CACNA1D: variants seen among roughly 807,000 people sequenced by gnomAD.
The protein encoded by CACNA1D is voltage-dependent L-type calcium channel subunit alpha-1D.
Under a neutral mutation model 257.1 loss-of-function variants are expected in CACNA1D, and 55 were observed. The observed-to-expected ratio is 0.21, with a 90% CI of 0.17 to 0.27. The LOEUF (loss-of-function observed/expected upper bound fraction) is 0.27, where lower values mean the gene tolerates loss of function less well. Among genes scored for constraint, CACNA1D ranks in the 10% least tolerant of loss-of-function variants. CACNA1D has a pLI of 1.00. For synonymous variants in CACNA1D, 980 were observed against 1,014.9 expected, an observed-to-expected ratio of 0.97 and a Z score of 0.65; for missense variants, 1,876 against 2,784.0, an observed-to-expected ratio of 0.67 and a Z score of 7.34.
intron 3 of CACNA1D, among the ~76,000 whole-genome samples, chr3:53,504,977 A>G (rs1273194425): frequency 6.6e-6 from 1 of 152,084 alleles, no homozygotes; most frequent in East Asian, 1.9e-4. Context: ...TTTGATCCCT[A>G]CTGATGGCTG....
At chr3:53,553,680 C>A (rs2092580882) in intron 3 of CACNA1D, among the ~76,000 whole-genome samples, 1 of 151,872 alleles carries the variant, frequency 6.6e-6, no homozygotes, top group African/African-American at 2.4e-5. Context: ...GGTCTTTATC[C>A]AACCCTATGA....
At chr3:53,531,312 G>A (rs890085576) in intron 3 of CACNA1D, among the ~76,000 whole-genome samples, 7 of 152,098 alleles carry the variant, frequency 4.6e-5, no homozygotes, top group African/African-American at 1.7e-4. Context: ...TTGTAATTGA[G>A]AAGACAAGGT....
In CACNA1D at chr3:53,800,103, T is replaced by C; in HGVS notation, c.4924-146T>C. On this transcript the variant is annotated intron_variant, in intron 40 of 47. Transcript: ENST00000350061. The surrounding 1 kb of genome is among the most constrained non-coding windows in gnomAD (Gnocchi z 4.3). ...CCATACCAACAACCCTTAGACTGCC[T>C]TCAGTGACATCAGTCAGTGCCCTGG... 1 of 758,578 alleles carries C rather than the reference T, an allele frequency of 1.3e-6. No homozygotes were observed. The highest frequency in any genetic ancestry group is 2.4e-6 in the Non-Finnish European group (1 of 413,218). The allele number at this position is 758,578 out of a possible 1,614,324, so 47.0% of individuals were successfully genotyped here.
chr3:53,650,298 A>T (rs1192425755), intron 3 of CACNA1D, among the ~76,000 whole-genome samples: 1 of 152,254 alleles, frequency 6.6e-6, no homozygotes, highest in Non-Finnish European at 1.5e-5. Flanking sequence ...GAACTCAGAC[A>T]TAAACCCAAG....
Position 53,495,092 on chromosome 3 carries a change from C to CA in CACNA1D, c.-75_-74insA. ...GCGGCTCCTACCTCTTGGTGATCCC[C>CA]TTCCCCATTCCGCCCCCGCCTCAAC... On this transcript the variant is annotated 5_prime_UTR_variant, in exon 1 of 48. Coordinates refer to ENST00000350061, the MANE Select transcript of CACNA1D (RefSeq NM_001128840.3). This position sits in a 1 kb window ranked among gnomAD's most constrained non-coding sequence, Gnocchi z 5.1. 8.7e-7 allele frequency: 1 copy of CA among 1,147,792 alleles called. No individual in the cohort carries two copies. The allele number at this position is 1,147,792 out of a possible 1,614,324, so 71.1% of individuals were successfully genotyped here. A position where few individuals can be genotyped will look rare whatever the true frequency, so the allele number is the denominator to read the frequency against.
chr3:53,551,124 T>A (rs2092524517), intron 3 of CACNA1D, among the ~76,000 whole-genome samples: 1 of 152,204 alleles, frequency 6.6e-6, no homozygotes, highest in South Asian at 2.1e-4. Flanking sequence ...GATGACTGTT[T>A]TAATAGTGGA....
chr3:53,803,558 G>A lies in CACNA1D; in HGVS notation c.5571G>A (p.Ser1857=), dbSNP rs760204394. 1.9e-5 allele frequency: 30 copies of A among 1,613,896 alleles called. No individual in the cohort carries two copies. The highest frequency in any genetic ancestry group is 1.5e-4 in the Admixed American group (9 of 60,012). ...AGGAATGCTACGAGGATGACAGCTC[G>A]CCCACCTGGAGCAGGTGAGCTGCTC... ...SSEECYEDDS[S]PTWSRQNYGY... Residue 1857 remains serine (S), a synonymous_variant, in exon 44 of 48, where the codon TCG becomes TCA. Coordinates refer to ENST00000350061, the MANE Select transcript of CACNA1D (RefSeq NM_001128840.3).
chr3:53,525,827 C>G (rs1223023018), intron 3 of CACNA1D, among the ~76,000 whole-genome samples: 1 of 152,140 alleles, frequency 6.6e-6, no homozygotes, highest in Non-Finnish European at 1.5e-5. Context: ...AAACCCAGCA[C>G]AGACTAGATT....
chr3:53,500,664 T>TG (rs1442951841), intron 2 of CACNA1D, among the ~76,000 whole-genome samples: 1 of 152,214 alleles, frequency 6.6e-6, no homozygotes, highest in African/African-American at 2.4e-5. Context: ...ATGAGGCTGG[T>TG]GCTCACAAAA....
At chr3:53,749,941 C>T (rs533089331) in intron 27 of CACNA1D, among the ~76,000 whole-genome samples, 5 of 152,286 alleles carry the variant, frequency 3.3e-5, no homozygotes, top group Admixed American at 6.5e-5. Context: ...CCGTGGCTTC[C>T]AGCTGTTAGA....
At chr3:53,560,313 CTTATATA>C (rs1288178966) in intron 3 of CACNA1D, among the ~76,000 whole-genome samples, 2 of 152,030 alleles carry the variant, frequency 1.3e-5, no homozygotes, top group African/African-American at 4.8e-5. Context: ...TTCTGTCTAG[CTTATATA>C]TTTGCATTTG....
At chr3:53,633,793 TA>T (rs1178563346) in intron 3 of CACNA1D, among the ~76,000 whole-genome samples, 23 of 152,212 alleles carry the variant, frequency 1.5e-4, no homozygotes, top group Non-Finnish European at 1.2e-4. Flanking sequence ...GTAAAAAGTG[TA>T]AGACTGGATG....
intron 8 of CACNA1D, among the ~76,000 whole-genome samples, chr3:53,693,287 C>T (rs2094544679): frequency 6.6e-6 from 1 of 152,102 alleles, no homozygotes; most frequent in Non-Finnish European, 1.5e-5. Context: ...CCTAATCCCT[C>T]CCCACCCCAC....
In CACNA1D at chr3:53,660,294, C is replaced by T. The variant is rs2094190744; in HGVS notation, c.766+19C>T. 1.2e-6 allele frequency: 2 copies of T among 1,612,728 alleles called. No homozygotes were observed. Among genetic ancestry groups the T allele is most frequent in the Middle Eastern group, 1.7e-4 (1 of 5,988 alleles). On this transcript the variant is annotated intron_variant, in intron 5 of 47. Coordinates refer to ENST00000350061, the MANE Select transcript of CACNA1D (RefSeq NM_001128840.3). ...GTGCCCAGTAAGCACTTATTGTTTCCTAGAGTCAGGAGTGTGCTGGTTTTT... is the reference window on the plus strand; with the variant it reads ...GTGCCCAGTAAGCACTTATTGTTTCTTAGAGTCAGGAGTGTGCTGGTTTTT...
chr3:53,802,258 C>A, intron 43 of CACNA1D, 85 bp downstream of exon 43: 1 of 1,074,008 alleles, frequency 9.3e-7, no homozygotes, highest in Non-Finnish European at 1.5e-6. Context: ...GAATGAGAAA[C>A]ACTTCTTTGA....
chr3:53,694,070 G>A (rs2094552200), intron 8 of CACNA1D, among the ~76,000 whole-genome samples: 1 of 152,226 alleles, frequency 6.6e-6, no homozygotes, highest in Non-Finnish European at 1.5e-5. Flanking sequence ...CTCTGTTTGT[G>A]TGTGATGGCT....
intron 39 of CACNA1D, chr3:53,782,317 T>G: frequency 7.2e-6 from 1 of 139,146 alleles, no homozygotes; most frequent in Admixed American, 7.6e-5. Context: ...GCATTTTTAT[T>G]TAAGTACATG....
chr3:53,607,877 T>C (rs1387124542), intron 3 of CACNA1D, among the ~76,000 whole-genome samples: 2 of 152,238 alleles, frequency 1.3e-5, no homozygotes, highest in Non-Finnish European at 2.9e-5. Context: ...TCTTTCCTAT[T>C]GGACTGTATG....
intron 8 of CACNA1D, among the ~76,000 whole-genome samples, chr3:53,676,538 C>T (rs1472554871): frequency 1.3e-5 from 2 of 152,186 alleles, no homozygotes; most frequent in African/African-American, 2.4e-5. Context: ...TGAATTAAAA[C>T]GCCCTCATTT....
Sources: allele counts gnomAD v4.1 joint callset (sites outside exome capture counted in the v4.1 genomes callset), GRCh38; gene constraint gnomAD v4.1.1; non-coding constraint Gnocchi (gnomAD v3.1); transcripts MANE v1.5; gene names NCBI Gene and HGNC (gene_info 2026-07-23, HGNC 2026-07-21).